Variants in PAX2 observed in about 807,000 individuals in gnomAD.
PAX2 encodes the protein paired box protein Pax-2.
Under a neutral mutation model 41.7 loss-of-function variants are expected in PAX2, and 9 were observed. The ratio of observed to expected loss-of-function variants is 0.22; its 90% confidence interval spans 0.13 to 0.38. The LOEUF (loss-of-function observed/expected upper bound fraction) is 0.38, where lower values mean the gene tolerates loss of function less well. PAX2 is among the 10% of genes least tolerant of loss of function. PAX2 has a pLI of 1.00. For synonymous variants in PAX2, 221 were observed against 212.7 expected, an observed-to-expected ratio of 1.04 and a Z score of -0.34; for missense variants, 418 against 531.6, an observed-to-expected ratio of 0.79 and a Z score of 2.10.
chr10:100,786,031 A>T (rs1187186722), intron 5 of PAX2, among the ~76,000 whole-genome samples: 1 of 152,202 alleles, frequency 6.6e-6, no homozygotes, highest in Non-Finnish European at 1.5e-5. Flanking sequence ...TTGGAGACGC[A>T]TCCTTGTGTA....
rs1362091255 is a variant in PAX2, at chr10:100,827,103, C to A, written c.1108+8C>A. On this transcript the variant is annotated splice_region_variant and intron_variant, in intron 9 of 9. Transcript: ENST00000355243. The surrounding 1 kb of genome is among the most constrained non-coding windows in gnomAD (Gnocchi z 8.5). ...GCAACCCCGCCTTACTAAGTGAGTACGCCACCTGGCTGGCCGGCGGCTCAG... is the reference window on the plus strand; with the variant it reads ...GCAACCCCGCCTTACTAAGTGAGTAAGCCACCTGGCTGGCCGGCGGCTCAG... The A allele has an allele frequency of 6.9e-6, 11 of 1,605,622 alleles. No individual in the cohort carries two copies. The highest frequency in any genetic ancestry group is 9.4e-6 in the Non-Finnish European group (11 of 1,172,498).
At chr10:100,756,109 AG>A (rs772977872) in intron 3 of PAX2, among the ~76,000 whole-genome samples, 2 of 152,176 alleles carry the variant, frequency 1.3e-5, no homozygotes, top group Non-Finnish European at 2.9e-5. Flanking sequence ...CTTGCGGACT[AG>A]AATGTTACAG....
chr10:100,828,499 C>A lies in PAX2; in HGVS notation c.*880C>A. On this transcript the variant is annotated 3_prime_UTR_variant, in exon 10 of 10. Transcript: ENST00000355243. The surrounding 1 kb of genome is among the most constrained non-coding windows in gnomAD (Gnocchi z 6.5). ...AGTTTCCCCTCCTGCCAGTCCTTCGCCTGTCCCTTGACGCCCTGCATCCTC... is the reference window on the plus strand; with the variant it reads ...AGTTTCCCCTCCTGCCAGTCCTTCGACTGTCCCTTGACGCCCTGCATCCTC... 1 of 234,198 alleles carries A rather than the reference C, an allele frequency of 4.3e-6. No homozygotes were observed. Among genetic ancestry groups the A allele is most frequent in the African/African-American group, 2.2e-5 (1 of 45,462 alleles). 14.5% of individuals were successfully genotyped at this position (234,198 alleles called of 1,614,324 possible).
chr10:100,794,131 C>T (rs1002477983), intron 5 of PAX2, among the ~76,000 whole-genome samples: 1 of 152,200 alleles, frequency 6.6e-6, no homozygotes, highest in Non-Finnish European at 1.5e-5. Flanking sequence ...CTGCCACTCA[C>T]CATAGAACTC....
upstream of PAX2, among the ~76,000 whole-genome samples, chr10:100,744,670 G>GT (rs1469610038): frequency 1.3e-5 from 2 of 152,218 alleles, no homozygotes; most frequent in African/African-American, 4.8e-5. Flanking sequence ...TCTGCCGCCA[G>GT]CGACCTGCAG....
intron 5 of PAX2, among the ~76,000 whole-genome samples, chr10:100,794,897 A>G (rs188272356): frequency 5.3e-5 from 8 of 152,166 alleles, no homozygotes; most frequent in Non-Finnish European, 2.9e-5. Flanking sequence ...CATTCCATTT[A>G]TCCCTGCTGA....
intron 7 of PAX2, among the ~76,000 whole-genome samples, chr10:100,823,535 A>G (rs1055790306): frequency 6.6e-6 from 1 of 152,192 alleles, no homozygotes; most frequent in African/African-American, 2.4e-5. Flanking sequence ...GGGCCCAGGT[A>G]TGCATAGTTC....
chr10:100,816,236 C>A (rs1848181251), intron 7 of PAX2, among the ~76,000 whole-genome samples: 2 of 152,206 alleles, frequency 1.3e-5, no homozygotes. Flanking sequence ...CAATAGCCAA[C>A]TCAGGCCAAT....
chr10:100,800,273 CTTTTTTTTTT>C (rs59487758), intron 5 of PAX2, among the ~76,000 whole-genome samples: 3 of 108,386 alleles, frequency 2.8e-5, no homozygotes, highest in African/African-American at 4.3e-5. Flanking sequence ...TCTTTTCTTT[CTTTTTTTTTT>C]TTTTTTTTTT....
chr10:100,777,982 C>T (rs1424708955), intron 3 of PAX2, among the ~76,000 whole-genome samples: 3 of 152,200 alleles, frequency 2.0e-5, no homozygotes, highest in African/African-American at 4.8e-5. Context: ...GCAGCAGGCT[C>T]GCGTGGCTTC....
Position 100,771,993 on chromosome 10 carries a change from G to A in PAX2, c.411-7505G>A, listed in dbSNP as rs139730959. 7.5e-3 allele frequency among the ~76,000 whole-genome samples: 1,146 copies of A among 152,094 alleles called. 16 individuals are homozygous for A. Among genetic ancestry groups the A allele is most frequent in the African/African-American group, 0.026 (1,075 of 41,488 alleles). ...GGCTAATTTTTGTATTTTTAGTAGA[G>A]GCGAGGTTTCACCATCTTGGCCAGG... On this transcript the variant is annotated intron_variant, in intron 3 of 9. Coordinates refer to ENST00000355243, the MANE Select transcript of PAX2 (RefSeq NM_000278.5).
At chr10:100,764,212 C>T (rs563383271) in intron 3 of PAX2, among the ~76,000 whole-genome samples, 3 of 145,842 alleles carry the variant, frequency 2.1e-5, no homozygotes, top group South Asian at 2.2e-4. Context: ...GGCACCATCT[C>T]GGCTCACTGC....
In PAX2 at chr10:100,824,160, G is replaced by A. The variant is rs1397789155; in HGVS notation, c.920-488G>A. Among the ~76,000 whole-genome samples, 4 of 152,162 alleles carry A rather than the reference G, an allele frequency of 2.6e-5. No homozygotes were observed. Among genetic ancestry groups the A allele is most frequent in the Non-Finnish European group, 5.9e-5 (4 of 68,018 alleles). On this transcript the variant is annotated intron_variant, in intron 7 of 9. Coordinates refer to ENST00000355243, the MANE Select transcript of PAX2 (RefSeq NM_000278.5). This position sits in a 1 kb window ranked among gnomAD's most constrained non-coding sequence, Gnocchi z 6.6. ...GCCATCAGTCCCTGTAGGGGTGATG[G>A]TGGGGTGTCCTCCAAGCCTGAAGGA...
intron 3 of PAX2, among the ~76,000 whole-genome samples, chr10:100,751,265 G>C (rs540972184): frequency 6.6e-6 from 1 of 152,296 alleles, no homozygotes; most frequent in African/African-American, 2.4e-5. Flanking sequence ...AAACAGACTG[G>C]CCTTTCTAAA....
In PAX2 at chr10:100,819,992, A is replaced by G. The variant is rs1848325707; in HGVS notation, c.920-4656A>G. 2.0e-5 allele frequency among the ~76,000 whole-genome samples: 3 copies of G among 152,250 alleles called. No individual in the cohort carries two copies. The South Asian group carries it at 6.2e-4, about 32-fold the overall frequency. ...AGGGACTTCTGCAGTTGAACTGAGA[A>G]GACATCCTCATCAAGTACAGTGCTT... On this transcript the variant is annotated intron_variant, in intron 7 of 9. Coordinates refer to ENST00000355243, the MANE Select transcript of PAX2 (RefSeq NM_000278.5).
intron 5 of PAX2, 90 bp downstream of exon 5, chr10:100,781,455 C>T (rs1846620694): frequency 1.5e-6 from 2 of 1,353,950 alleles, no homozygotes; most frequent in South Asian, 1.2e-5. Context: ...CGCAGCTGCT[C>T]TGCTGTGAGA....
chr10:100,800,273 C>CTTTTTTTT (rs59487758), intron 5 of PAX2, among the ~76,000 whole-genome samples: 2 of 108,382 alleles, frequency 1.8e-5, no homozygotes, highest in Non-Finnish European at 3.5e-5. Context: ...TCTTTTCTTT[C>CTTTTTTTT]TTTTTTTTTT....
At chr10:100,737,746 GC>G (rs1202273366) in intron 1 of PAX2, among the ~76,000 whole-genome samples, 1 of 152,214 alleles carries the variant, frequency 6.6e-6, no homozygotes, top group Admixed American at 6.5e-5. Flanking sequence ...TGGAGGCCCT[GC>G]CCCCCTAGAC....
chr10:100,746,117 CG>C lies in PAX2; in HGVS notation c.-143del. 1 of 1,536,744 alleles carries C rather than the reference CG, an allele frequency of 6.5e-7. No homozygotes were observed. Among genetic ancestry groups the C allele is most frequent in the Non-Finnish European group, 8.7e-7 (1 of 1,145,744 alleles). On this transcript the variant is annotated 5_prime_UTR_variant, in exon 1 of 10. Transcript: ENST00000355243. ...GCGGGGAGCGCAGTGCTGCGCCCCC[CG>C]CCCCCGCGCGCCCCGCAGCAGCCGG...
Sources: allele counts gnomAD v4.1 joint callset (sites outside exome capture counted in the v4.1 genomes callset), GRCh38; gene constraint gnomAD v4.1.1; non-coding constraint Gnocchi (gnomAD v3.1); transcripts MANE v1.5; gene names NCBI Gene and HGNC (gene_info 2026-07-23, HGNC 2026-07-21).